The following ANKRD12 variants were observed in gnomAD, a reference collection of about 807,000 sequenced individuals.
The protein encoded by ANKRD12 is ankyrin repeat domain 12.
ANKRD12 carries 85 observed loss-of-function variants against 183.4 expected under a neutral mutation model. That is an observed-to-expected ratio of 0.46 (90% CI 0.39 to 0.56). The LOEUF is 0.56. Ranked by LOEUF, ANKRD12 falls within the 20% of genes least tolerant of loss-of-function variation. ANKRD12 has a pLI of 0.00. For missense variants in ANKRD12, 2,405 were observed against 2,357.1 expected, an observed-to-expected ratio of 1.02 and a Z score of -0.42; for synonymous variants, 914 against 800.2, an observed-to-expected ratio of 1.14 and a Z score of -2.40.
intron 2 of ANKRD12, among the ~76,000 whole-genome samples, chr18:9,186,118 T>G (rs1232621201): frequency 6.6e-6 from 1 of 151,936 alleles, no homozygotes; most frequent in East Asian, 1.9e-4. Flanking sequence ...TGCCTGAATA[T>G]TGCCCTCCTA....
intron 1 of ANKRD12, among the ~76,000 whole-genome samples, chr18:9,155,919 G>T (rs144152590): frequency 6.6e-6 from 1 of 152,158 alleles, no homozygotes; most frequent in Non-Finnish European, 1.5e-5. Flanking sequence ...CGGATCGCTT[G>T]AGGCCAGGAA....
chr18:9,156,153 AAAG>A (rs2030417612), intron 1 of ANKRD12, among the ~76,000 whole-genome samples: 1 of 150,206 alleles, frequency 6.7e-6, no homozygotes, highest in Non-Finnish European at 1.5e-5. Context: ...AAAAAAAAAA[AAAG>A]AAAAAGACTT....
At chr18:9,230,833 AT>A (rs879726894) in intron 8 of ANKRD12, among the ~76,000 whole-genome samples, 294 of 139,648 alleles carry the variant, frequency 2.1e-3, no homozygotes, top group Middle Eastern at 3.5e-3. Flanking sequence ...TAATTTTTGT[AT>A]TTTTTTTTTT....
chr18:9,256,361 A>G lies in ANKRD12; in HGVS notation c.3094A>G (p.Lys1032Glu). 6.3e-7 allele frequency: 1 copy of G among 1,598,406 alleles called. No individual in the cohort carries two copies. The highest frequency in any genetic ancestry group is 8.5e-7 in the Non-Finnish European group (1 of 1,173,288). ...TATAGATAGATACAAAGAACGAGAC[A>G]AACATAAAGATAAAATTCAAATAAA... is the stretch of plus-strand genomic sequence containing the variant. ...KDIDRYKERD[K>E]HKDKIQINSL... The change falls in exon 9 of 13, where the codon AAA becomes GAA. Residue 1032 changes from lysine (K) to glutamate (E), a missense_variant. This residue lies in a region of ANKRD12 where 1,983 missense variants were observed against 1,725.9 expected (regional missense o/e 1.15). Coordinates refer to ENST00000262126, the MANE Select transcript of ANKRD12 (RefSeq NM_015208.5).
intron 1 of ANKRD12, among the ~76,000 whole-genome samples, 188 bp from the exon 2 acceptor site, chr18:9,182,194 A>G (rs976691706): frequency 7.9e-5 from 12 of 152,226 alleles, no homozygotes; most frequent in Non-Finnish European, 1.3e-4. Flanking sequence ...GAAATTTATT[A>G]AAGTAATTCT....
At chr18:9,267,433 A>G (rs1598755180) in intron 10 of ANKRD12, among the ~76,000 whole-genome samples, 1 of 152,214 alleles carries the variant, frequency 6.6e-6, no homozygotes. Flanking sequence ...CTCAGACCAC[A>G]GTGCAATTAA....
chr18:9,160,132 G>A (rs2031204888), intron 1 of ANKRD12, among the ~76,000 whole-genome samples: 1 of 152,080 alleles, frequency 6.6e-6, no homozygotes, highest in Admixed American at 6.5e-5. Context: ...TTAGCTGGGT[G>A]TGGTGGCATG....
At position 9,196,773 on chromosome 18, in the gene ANKRD12, C is replaced by T. The variant is rs139127035; in HGVS notation, c.235+1075C>T. On this transcript the variant is annotated intron_variant, in intron 3 of 12. Coordinates refer to ENST00000262126, the MANE Select transcript of ANKRD12 (RefSeq NM_015208.5). Reference sequence around the variant, plus strand: ...TTTTAAACTTTGAAGATTGCTCTGTCTTGCAGTGATTACGAAATCATGTGC... The same window carrying T: ...TTTTAAACTTTGAAGATTGCTCTGTTTTGCAGTGATTACGAAATCATGTGC... Among the ~76,000 whole-genome samples the T allele has an allele frequency of 8.5e-5, 13 of 152,256 alleles. No homozygotes were observed. In the East Asian group the frequency reaches 2.3e-3, roughly 27 times the overall value.
chr18:9,173,954 C>CT (rs1265449981), intron 1 of ANKRD12, among the ~76,000 whole-genome samples: 1 of 152,242 alleles, frequency 6.6e-6, no homozygotes, highest in Non-Finnish European at 1.5e-5. Flanking sequence ...CCCCTAGGGG[C>CT]TTGTCCCAGG....
intron 3 of ANKRD12, among the ~76,000 whole-genome samples, chr18:9,203,661 A>G (rs2035312413): frequency 1.3e-5 from 2 of 151,954 alleles, no homozygotes; most frequent in Admixed American, 1.3e-4. Flanking sequence ...CTGGAGTACA[A>G]TGGCATGATC....
Position 9,176,423 on chromosome 18 carries a change from TGGGACTACA to T in ANKRD12, c.-51-5956_-51-5948del, listed in dbSNP as rs201207964. ...TTCCCACCTCAGCCTCCCCAGTAGC[TGGGACTACA>T]GGCACATACCACCATGGCCAGCTAA... is the stretch of plus-strand genomic sequence containing the variant. On this transcript the variant is annotated intron_variant, in intron 1 of 12. Coordinates refer to ENST00000262126, the MANE Select transcript of ANKRD12 (RefSeq NM_015208.5). Among the ~76,000 whole-genome samples the T allele has an allele frequency of 3.9e-3, 593 of 152,168 alleles. 15 individuals carry two copies. The highest frequency in any genetic ancestry group is 0.037 in the Admixed American group (563 of 15,270).
rs773235125 is a variant in ANKRD12, at chr18:9,255,217, A to T, written c.1950A>T (p.Leu650Phe). ...LKKMDKEGKT[L>F]KKHKLKHKER... Reference sequence around the variant, plus strand: ...AAATGGATAAAGAAGGTAAAACATTAAAAAAACATAAATTGAAGCATAAAG... The same window carrying T: ...AAATGGATAAAGAAGGTAAAACATTTAAAAAACATAAATTGAAGCATAAAG... The change falls in exon 9 of 13, where the codon TTA becomes TTT. Residue 650 changes from leucine to phenylalanine, a missense_variant. Physicochemically the swap from Leu to Phe is conservative, Grantham distance 22. This residue lies in a region of ANKRD12 where 1,983 missense variants were observed against 1,725.9 expected (regional missense o/e 1.15). Coordinates refer to ENST00000262126, the MANE Select transcript of ANKRD12 (RefSeq NM_015208.5). 1 of 1,574,200 alleles carries T rather than the reference A, an allele frequency of 6.4e-7. No individual in the cohort carries two copies. The highest frequency in any genetic ancestry group is 1.2e-5 in the South Asian group (1 of 83,152).
Position 9,254,404 on chromosome 18 carries a change from T to A in ANKRD12, c.1137T>A (p.His379Gln). The change falls in exon 9 of 13, where the codon CAT (histidine) becomes CAA (glutamine). Residue 379 changes from histidine to glutamine, a missense_variant. His to Gln is a conservative substitution (Grantham distance 24). Around this residue, in one of 7 missense-constraint regions of ANKRD12, gnomAD observed 1,983 missense variants for 1,725.9 expected, o/e 1.15. Coordinates refer to ENST00000262126, the MANE Select transcript of ANKRD12 (RefSeq NM_015208.5). ...TTAATAAGATGATTGATGATAGGCATATTCTTAGGAAAGAACAACGAAAAG... is the reference window on the plus strand; with the variant it reads ...TTAATAAGATGATTGATGATAGGCAAATTCTTAGGAAAGAACAACGAAAAG... ...EEINKMIDDR[H>Q]ILRKEQRKEN... 1 of 1,597,744 alleles carries A rather than the reference T, an allele frequency of 6.3e-7. No homozygotes were observed. Among genetic ancestry groups the A allele is most frequent in the East Asian group, 2.2e-5 (1 of 44,638 alleles).
chr18:9,238,560 C>T (rs1403558094), intron 8 of ANKRD12, among the ~76,000 whole-genome samples: 2 of 152,186 alleles, frequency 1.3e-5, no homozygotes, highest in African/African-American at 4.8e-5. Context: ...ATCTAAACTC[C>T]TCTTCTTCCT....
chr18:9,170,934 T>C (rs2032653743), intron 1 of ANKRD12, among the ~76,000 whole-genome samples: 1 of 152,200 alleles, frequency 6.6e-6, no homozygotes, highest in Admixed American at 6.5e-5. Flanking sequence ...GACAGGACCC[T>C]CAGCTGCAGG....
At chr18:9,233,004 C>T (rs1228903595) in intron 8 of ANKRD12, among the ~76,000 whole-genome samples, 1 of 151,948 alleles carries the variant, frequency 6.6e-6, no homozygotes, top group Non-Finnish European at 1.5e-5. Flanking sequence ...TGTGCACCAC[C>T]ACGCCTGGAT....
chr18:9,237,804 AGAT>A (rs2037432469), intron 8 of ANKRD12, among the ~76,000 whole-genome samples: 1 of 152,152 alleles, frequency 6.6e-6, no homozygotes, highest in South Asian at 2.1e-4. Context: ...GTGGCAGAGG[AGAT>A]GATGATTTGG....
At chr18:9,194,878 C>A (rs2034679780) in intron 2 of ANKRD12, among the ~76,000 whole-genome samples, 1 of 152,166 alleles carries the variant, frequency 6.6e-6, no homozygotes, top group African/African-American at 2.4e-5. Context: ...AAGACACATA[C>A]ATGCCTATGT....
chr18:9,173,669 G>A (rs749802433), intron 1 of ANKRD12, among the ~76,000 whole-genome samples: 1 of 151,886 alleles, frequency 6.6e-6, no homozygotes, highest in East Asian at 1.9e-4. Flanking sequence ...GGATGCTGCT[G>A]TAGAAGGTGT....
Sources: gnomAD v4.1 joint callset for allele counts (sites outside exome capture counted in the v4.1 genomes callset) on GRCh38, gnomAD v4.1.1 for gene constraint, gnomAD v4.1.1 regional missense constraint, MANE v1.5 for transcripts, NCBI Gene and HGNC (gene_info 2026-07-23, HGNC 2026-07-21) for gene names.